Variants in PCDH11Y observed in about 807,000 individuals in gnomAD.
PCDH11Y encodes the protein protocadherin 11 Y-linked.
For missense variants in PCDH11Y, 12 were observed against 224.8 expected, an observed-to-expected ratio of 0.05 and a Z score of 6.05; for synonymous variants, 9 against 83.6, an observed-to-expected ratio of 0.11 and a Z score of 4.87.
intron 2 of PCDH11Y, among the ~76,000 whole-genome samples, chrY:5,303,830 C>T (rs1602901494): frequency 3.0e-5 from 1 of 33,112 alleles, no homozygotes; most frequent in African/African-American, 1.2e-4. Context: ...TTGCAAATGC[C>T]GCTACTCTCT....
rs2124659679 is a variant in PCDH11Y, at chrY:5,272,207, G to T, written c.3129+171500G>T. 4.6e-4 allele frequency among the ~76,000 whole-genome samples: 15 copies of T among 32,748 alleles called. No individual in the cohort carries two copies. In the South Asian group the frequency reaches 0.01, roughly 22 times the overall value. The allele number at this position is 32,748 out of a possible 37,273, so 87.9% of individuals were successfully genotyped here. A position where few individuals can be genotyped will look rare whatever the true frequency, so the allele number is the denominator to read the frequency against. On this transcript the variant is annotated intron_variant, in intron 2 of 4. Transcript: ENST00000400457. ...TAAATTTCCAGGTTAGGTATAGAAA[G>T]GTGAACAGCATTTTCTACTTTTTGT... is the stretch of plus-strand genomic sequence containing the variant.
intron 4 of PCDH11Y, among the ~76,000 whole-genome samples, chrY:5,704,268 T>G (rs375694856): frequency 7.8e-4 from 25 of 32,015 alleles, no homozygotes; most frequent in African/African-American, 2.8e-3. Flanking sequence ...AGCGCATTCA[T>G]GAAGGATTCA....
At chrY:5,482,407 T>C in intron 2 of PCDH11Y, among the ~76,000 whole-genome samples, 1 of 33,925 alleles carries the variant, frequency 2.9e-5, no homozygotes, top group African/African-American at 1.1e-4. Flanking sequence ...TCTGTTAATG[T>C]TGGCTTCATA....
At chrY:5,116,760 C>T in intron 2 of PCDH11Y, among the ~76,000 whole-genome samples, 1 of 32,633 alleles carries the variant, frequency 3.1e-5, no homozygotes, top group African/African-American at 1.2e-4. Context: ...CCAAATATGC[C>T]TTAACTCTAT....
intron 2 of PCDH11Y, among the ~76,000 whole-genome samples, chrY:5,258,651 G>T: frequency 3.1e-5 from 1 of 32,341 alleles, no homozygotes; most frequent in South Asian, 6.9e-4. Flanking sequence ...CTTATCAAAT[G>T]GTGTTTTTAG....
chrY:5,663,210 AT>A, intron 4 of PCDH11Y, among the ~76,000 whole-genome samples: 1 of 28,849 alleles, frequency 3.5e-5, no homozygotes, highest in South Asian at 8.6e-4. Flanking sequence ...AAGGGAGGTA[AT>A]TTTAAAAACC....
chrY:5,223,869 T>G, intron 2 of PCDH11Y, among the ~76,000 whole-genome samples: 1 of 33,044 alleles, frequency 3.0e-5, no homozygotes, highest in Non-Finnish European at 7.4e-5. Context: ...TTTATTGTTT[T>G]ATTCAGTGCA....
intron 3 of PCDH11Y, among the ~76,000 whole-genome samples, chrY:5,049,706 G>A (rs2052648443): frequency 3.2e-5 from 1 of 31,300 alleles, no homozygotes; most frequent in Non-Finnish European, 7.8e-5. Flanking sequence ...GACTACAGGC[G>A]CCCGCCACCA....
intron 2 of PCDH11Y, among the ~76,000 whole-genome samples, chrY:5,454,803 C>T: frequency 4.2e-4 from 14 of 33,596 alleles, no homozygotes; most frequent in Non-Finnish European, 9.6e-4. Context: ...GACCCTGGTC[C>T]TGGCACACAA....
chrY:5,713,769 A>C, intron 4 of PCDH11Y, among the ~76,000 whole-genome samples: 2 of 30,963 alleles, frequency 6.5e-5, no homozygotes, highest in Non-Finnish European at 1.5e-4. Context: ...TTAAAATAGA[A>C]GAAAGAACTT....
At chrY:5,522,961 CA>C (rs2053382979) in intron 3 of PCDH11Y, among the ~76,000 whole-genome samples, 1 of 33,824 alleles carries the variant, frequency 3.0e-5, no homozygotes, top group Non-Finnish European at 7.4e-5. Context: ...TATAAAATTG[CA>C]AAAGATGCAT....
intron 4 of PCDH11Y, among the ~76,000 whole-genome samples, chrY:5,628,702 G>A: frequency 3.0e-5 from 1 of 33,796 alleles, no homozygotes; most frequent in Admixed American, 2.7e-4. Flanking sequence ...TTTGAGATAA[G>A]TATTATTTAA....
intron 2 of PCDH11Y, among the ~76,000 whole-genome samples, chrY:5,352,803 A>T: frequency 3.0e-5 from 1 of 33,193 alleles, no homozygotes; most frequent in Non-Finnish European, 7.4e-5. Flanking sequence ...TGATGGGAGT[A>T]TGCACTAAGT....
At chrY:5,576,698 CA>C (rs2053446404) in intron 3 of PCDH11Y, among the ~76,000 whole-genome samples, 1 of 33,201 alleles carries the variant, frequency 3.0e-5, no homozygotes, top group African/African-American at 1.2e-4. Flanking sequence ...TAGGCATTAT[CA>C]TTTTGTTGGA....
At chrY:5,488,296 T>C in intron 2 of PCDH11Y, among the ~76,000 whole-genome samples, 1 of 33,506 alleles carries the variant, frequency 3.0e-5, no homozygotes, top group East Asian at 7.8e-4. Context: ...CTTCCTCTTT[T>C]CAGTATCACT....
At chrY:5,323,068 T>A in intron 2 of PCDH11Y, among the ~76,000 whole-genome samples, 1 of 32,697 alleles carries the variant, frequency 3.1e-5, no homozygotes, top group Non-Finnish European at 7.4e-5. Flanking sequence ...GTTCTTCCCT[T>A]AAGACACTAG....
intron 2 of PCDH11Y, among the ~76,000 whole-genome samples, chrY:5,386,409 G>C (rs2053215674): frequency 3.1e-5 from 1 of 32,454 alleles, no homozygotes; most frequent in Non-Finnish European, 7.5e-5. Flanking sequence ...TCTCTAGCAA[G>C]GCCGGGGAAG....
chrY:5,407,706 A>T (rs1313774676), intron 2 of PCDH11Y, among the ~76,000 whole-genome samples: 5 of 31,351 alleles, frequency 1.6e-4, no homozygotes, highest in Admixed American at 2.9e-4. Context: ...GAGGTCAGGA[A>T]ATTGAGACCA....
intron 4 of PCDH11Y, among the ~76,000 whole-genome samples, chrY:5,710,920 TTGGGAATCA>T (rs2053585926): frequency 3.0e-5 from 1 of 32,844 alleles, no homozygotes; most frequent in Non-Finnish European, 7.5e-5. Flanking sequence ...AAGTAAATTC[TTGGGAATCA>T]TGGGGATCAT....
Sources: allele counts gnomAD v4.1 joint callset (sites outside exome capture counted in the v4.1 genomes callset), GRCh38; gene constraint gnomAD v4.1.1; transcripts MANE v1.5; gene names NCBI Gene and HGNC (gene_info 2026-07-23, HGNC 2026-07-21).